Variants in NEGR1 observed in about 807,000 individuals in gnomAD.
NEGR1 encodes neuronal growth regulator 1, also known as IgLON family member 4.
In NEGR1, 10 loss-of-function variants were observed where a neutral mutation model predicts 40.9. The observed-to-expected ratio is 0.24, with a 90% CI of 0.15 to 0.42. NEGR1 has a LOEUF of 0.42. NEGR1 is among the 10% of genes least tolerant of loss of function. NEGR1 has a pLI of 1.00. For synonymous variants in NEGR1, 185 were observed against 166.8 expected, an observed-to-expected ratio of 1.11 and a Z score of -0.84; for missense variants, 352 against 438.9, an observed-to-expected ratio of 0.80 and a Z score of 1.77.
chr1:72,253,071 C>T (rs1053106757), intron 1 of NEGR1, among the ~76,000 whole-genome samples: 1 of 152,066 alleles, frequency 6.6e-6, no homozygotes, highest in Non-Finnish European at 1.5e-5. Flanking sequence ...GGTGCATTGG[C>T]TCTTTTAGAC....
chr1:71,489,757 G>A (rs2101383201), intron 6 of NEGR1: 1 of 151,656 alleles, frequency 6.6e-6, no homozygotes, highest in East Asian at 2.0e-4. Flanking sequence ...TTTCCCTGGA[G>A]TATATCCTGG....
At chr1:71,458,878 C>T (rs559369152) in intron 6 of NEGR1, among the ~76,000 whole-genome samples, 3 of 152,186 alleles carry the variant, frequency 2.0e-5, no homozygotes, top group Admixed American at 2.0e-4. Flanking sequence ...CTCAGTATTT[C>T]TTAGTTTCCA....
At chr1:72,055,000 C>T (rs566558318) in intron 1 of NEGR1, among the ~76,000 whole-genome samples, 6 of 151,100 alleles carry the variant, frequency 4.0e-5, no homozygotes, top group Non-Finnish European at 8.9e-5. Context: ...AATATTAACA[C>T]TTATAGCACG....
intron 1 of NEGR1, among the ~76,000 whole-genome samples, chr1:71,939,688 G>A (rs1207184406): frequency 6.6e-6 from 1 of 152,026 alleles, no homozygotes; most frequent in African/African-American, 2.4e-5. Flanking sequence ...GTCAGGGGCA[G>A]GGGTGGGCAG....
chr1:71,483,445 A>G (rs1205701123), intron 6 of NEGR1, among the ~76,000 whole-genome samples: 1 of 151,844 alleles, frequency 6.6e-6, no homozygotes, highest in East Asian at 1.9e-4. Flanking sequence ...GGAATAATTC[A>G]TAATAGAGAT....
At chr1:72,216,463 T>C (rs144580346) in intron 1 of NEGR1, among the ~76,000 whole-genome samples, 4 of 146,146 alleles carry the variant, frequency 2.7e-5, no homozygotes. Flanking sequence ...AGTGGAAATA[T>C]AAAATATATT....
chr1:71,915,596 T>C (rs1308791132), intron 2 of NEGR1, among the ~76,000 whole-genome samples: 2 of 152,152 alleles, frequency 1.3e-5, no homozygotes, highest in Admixed American at 1.3e-4. Flanking sequence ...GGTTTCATTC[T>C]CCACAAAACT....
At chr1:72,086,660 G>C (rs913613733) in intron 1 of NEGR1, among the ~76,000 whole-genome samples, 1 of 152,018 alleles carries the variant, frequency 6.6e-6, no homozygotes, top group African/African-American at 2.4e-5. Flanking sequence ...TTTGGTGTCT[G>C]GTTTCCTTTA....
At chr1:71,752,365 T>C (rs533797483) in intron 3 of NEGR1, among the ~76,000 whole-genome samples, 14 of 152,192 alleles carry the variant, frequency 9.2e-5, no homozygotes, top group Non-Finnish European at 2.1e-4. Context: ...CAACTTTATA[T>C]ACAAAAATAG....
intron 1 of NEGR1, among the ~76,000 whole-genome samples, chr1:72,202,454 G>A (rs1028181022): frequency 2.0e-5 from 3 of 151,960 alleles, no homozygotes; most frequent in Non-Finnish European, 4.4e-5. Flanking sequence ...CTAAAGACTA[G>A]ATCTCTTGAG....
intron 2 of NEGR1, among the ~76,000 whole-genome samples, chr1:71,845,759 ATATC>A (rs1480924487): frequency 9.4e-5 from 14 of 149,162 alleles, no homozygotes; most frequent in Admixed American, 2.0e-4. Context: ...ACCTACCTAC[ATATC>A]TATCTATTTA....
chr1:72,256,830 A>C (rs1040293862), intron 1 of NEGR1, among the ~76,000 whole-genome samples: 1 of 152,210 alleles, frequency 6.6e-6, no homozygotes, highest in African/African-American at 2.4e-5. Context: ...TGGTAAACAG[A>C]ATAGCTTCTA....
At chr1:71,775,459 C>T (rs1432253415) in intron 3 of NEGR1, among the ~76,000 whole-genome samples, 2 of 151,588 alleles carry the variant, frequency 1.3e-5, no homozygotes, top group Admixed American at 6.6e-5. Flanking sequence ...GATTCTCCTG[C>T]CTCAGCCTCC....
At chr1:71,775,942 C>T (rs185974822) in intron 3 of NEGR1, among the ~76,000 whole-genome samples, 2 of 151,202 alleles carry the variant, frequency 1.3e-5, no homozygotes, top group African/African-American at 2.4e-5. Flanking sequence ...GCAGTGAGAC[C>T]GGTTCGCGCC....
chr1:71,951,481 T>C (rs1646069931), intron 1 of NEGR1, among the ~76,000 whole-genome samples: 1 of 151,998 alleles, frequency 6.6e-6, no homozygotes, highest in South Asian at 2.1e-4. Flanking sequence ...TACTTCAAAA[T>C]GAATTAAAGG....
intron 6 of NEGR1, among the ~76,000 whole-genome samples, chr1:71,525,666 C>G (rs1647208125): frequency 6.6e-6 from 1 of 151,546 alleles, no homozygotes; most frequent in Admixed American, 6.6e-5. Flanking sequence ...AGAGTTGTAG[C>G]AGACACATAC....
At chr1:72,242,277 G>A (rs1473159514) in intron 1 of NEGR1, among the ~76,000 whole-genome samples, 1 of 151,552 alleles carries the variant, frequency 6.6e-6, no homozygotes, top group Admixed American at 6.6e-5. Context: ...CTAAAAATTT[G>A]ACCTGTAATG....
chr1:72,140,428 G>A (rs1005956282), intron 1 of NEGR1, among the ~76,000 whole-genome samples: 2 of 151,940 alleles, frequency 1.3e-5, no homozygotes, highest in African/African-American at 2.4e-5. Flanking sequence ...GTCATCACAT[G>A]GCAGACAACA....
At chr1:72,003,158 A>G (rs1646572462) in intron 1 of NEGR1, among the ~76,000 whole-genome samples, 1 of 151,990 alleles carries the variant, frequency 6.6e-6, no homozygotes, top group African/African-American at 2.4e-5. Context: ...AATAACCTAA[A>G]GTATGTGTCC....
Sources: gnomAD v4.1 joint callset for allele counts (sites outside exome capture counted in the v4.1 genomes callset) on GRCh38, gnomAD v4.1.1 for gene constraint, MANE v1.5 for transcripts, NCBI Gene and HGNC (gene_info 2026-07-23, HGNC 2026-07-21) for gene names.